STX7: variants seen among roughly 807,000 people sequenced by gnomAD.
STX7 encodes syntaxin-7.
A neutral mutation model predicts 39.6 loss-of-function variants in STX7; 34 were observed. The ratio of observed to expected loss-of-function variants is 0.86; its 90% CI spans 0.65 to 1.14. The LOEUF (loss-of-function observed/expected upper bound fraction) is 1.14. STX7 is among the 50% of genes most tolerant of loss of function. The pLI, the probability that STX7 is intolerant of heterozygous loss-of-function variation, is 0.00. For synonymous variants in STX7, 119 were observed against 99.1 expected, an observed-to-expected ratio of 1.20 and a Z score of -1.19; for missense variants, 284 against 310.4, an observed-to-expected ratio of 0.92 and a Z score of 0.64.
chr6:132,487,949 G>A (rs1026956783), intron 2 of STX7, among the ~76,000 whole-genome samples: 22 of 151,676 alleles, frequency 1.5e-4, no homozygotes, highest in Admixed American at 5.3e-4. Context: ...TTGCAATTTC[G>A]GTTGTTTTTT....
At chr6:132,509,037 T>C (rs75673534) in intron 1 of STX7, among the ~76,000 whole-genome samples, 2,807 of 152,296 alleles carry the variant, frequency 0.018, 73 homozygotes, top group African/African-American at 0.062. Context: ...GGCATATCAT[T>C]ATGCCTCATT....
At position 132,479,674 on chromosome 6, in the gene STX7, T is replaced by C. The variant is rs142083489; in HGVS notation, c.86-4012A>G. Among the ~76,000 whole-genome samples, 491 of 152,294 alleles carry C rather than the reference T, an allele frequency of 3.2e-3. 3 individuals are homozygous for C. Among genetic ancestry groups the C allele is most frequent in the Non-Finnish European group, 3.2e-3 (217 of 68,026 alleles). On this transcript the variant is annotated intron_variant, in intron 2 of 9. Coordinates refer to ENST00000367941, the MANE Select transcript of STX7 (RefSeq NM_003569.3). ...AAAGCCACATATAGACTCAACAATA[T>C]GGATTTCCTCTTACTCAGACTGACA...
chr6:132,460,990 GT>G, intron 9 of STX7, 140 bp from the exon 10 acceptor site: 2 of 633,558 alleles, frequency 3.2e-6, no homozygotes, highest in Non-Finnish European at 5.2e-6. Context: ...TTTTGACTGT[GT>G]TTTTTTGTTC....
chr6:132,499,458 C>T (rs1381051149), intron 2 of STX7, among the ~76,000 whole-genome samples: 1 of 150,114 alleles, frequency 6.7e-6, no homozygotes, highest in Non-Finnish European at 1.5e-5. Flanking sequence ...TTCTCCTTCC[C>T]TTCCTCCATC....
intron 2 of STX7, among the ~76,000 whole-genome samples, chr6:132,486,880 T>A (rs1775147340): frequency 6.6e-6 from 1 of 152,164 alleles, no homozygotes; most frequent in African/African-American, 2.4e-5. Flanking sequence ...TTGGCCAGGC[T>A]TGTCTTGAAC....
chr6:132,507,897 C>T (rs1163423868), intron 1 of STX7, among the ~76,000 whole-genome samples: 1 of 152,174 alleles, frequency 6.6e-6, no homozygotes, highest in Non-Finnish European at 1.5e-5. Flanking sequence ...CTGAATGAGT[C>T]GCACATCCAT....
At chr6:132,470,223 C>T (rs1345779689) in intron 6 of STX7, among the ~76,000 whole-genome samples, 176 bp from the exon 7 acceptor site, 2 of 152,032 alleles carry the variant, frequency 1.3e-5, no homozygotes, top group East Asian at 3.9e-4. Flanking sequence ...ATTCATTTTT[C>T]ATTTCACTTA....
Position 132,449,257 on chromosome 6 carries a change from G to A in STX7, c.*11501C>T, listed in dbSNP as rs1774090927. On this transcript the variant is annotated 3_prime_UTR_variant, in exon 10 of 10. Transcript: ENST00000367941. ...CCCACTTGAGCCTCCCAAGTAGCTG[G>A]GACTACTGGTTCATGTCACCACATC... is the stretch of plus-strand genomic sequence containing the variant. 6.6e-6 allele frequency: 1 copy of A among 151,988 alleles called. No individual in the cohort carries two copies. Among genetic ancestry groups the A allele is most frequent in the Non-Finnish European group, 1.5e-5 (1 of 68,036 alleles). The allele number at this position is 151,988 out of a possible 1,614,324, so 9.4% of individuals were successfully genotyped here. A position where few individuals can be genotyped will look rare whatever the true frequency, so the allele number is the denominator to read the frequency against.
At chr6:132,475,374 A>G (rs898497758) in intron 3 of STX7, 23 of 311,826 alleles carry the variant, frequency 7.4e-5, no homozygotes, top group Non-Finnish European at 2.3e-5. Flanking sequence ...TGCCCACCTC[A>G]GTCTTCCAGA....
rs1775898802 is a variant in STX7, at chr6:132,513,106, A to T, written c.-158T>A. Reference sequence around the variant, plus strand: ...TCAGCTGATGGGCGGTGGCGTGGGGACGCCCAGTGCGCATGCCCGCAGCAC... The same window carrying T: ...TCAGCTGATGGGCGGTGGCGTGGGGTCGCCCAGTGCGCATGCCCGCAGCAC... On this transcript the variant is annotated 5_prime_UTR_variant, in exon 1 of 10. Coordinates refer to ENST00000367941, the MANE Select transcript of STX7 (RefSeq NM_003569.3). 6.6e-6 allele frequency: 1 copy of T among 152,316 alleles called. No individual in the cohort carries two copies. The highest frequency in any genetic ancestry group is 1.5e-5 in the Non-Finnish European group (1 of 68,140). 9.4% of individuals were successfully genotyped at this position (152,316 alleles called of 1,614,324 possible).
intron 2 of STX7, among the ~76,000 whole-genome samples, chr6:132,487,683 A>G (rs1775172903): frequency 1.3e-5 from 2 of 152,222 alleles, no homozygotes; most frequent in South Asian, 4.1e-4. Context: ...AAACCTTTAA[A>G]TATATGATAG....
rs1020773118 is a variant in STX7 at position 132,456,157 on chromosome 6, A to C, written c.*4601T>G. ...AAGAGAACGGCTCCTTTTTGGAGCC[A>C]TTACACACAGATCATCACTCAAATC... On this transcript the variant is annotated 3_prime_UTR_variant, in exon 10 of 10. Coordinates refer to ENST00000367941, the MANE Select transcript of STX7 (RefSeq NM_003569.3). The C allele has an allele frequency of 6.6e-6, 1 of 152,172 alleles. No homozygotes were observed. Among genetic ancestry groups the C allele is most frequent in the Non-Finnish European group, 1.5e-5 (1 of 68,028 alleles). 9.4% of individuals were successfully genotyped at this position (152,172 alleles called of 1,614,324 possible). A position where few individuals can be genotyped will look rare whatever the true frequency, so the allele number is the denominator to read the frequency against.
At chr6:132,492,988 A>G (rs1019370114) in intron 2 of STX7, among the ~76,000 whole-genome samples, 4 of 152,152 alleles carry the variant, frequency 2.6e-5, no homozygotes, top group Non-Finnish European at 4.4e-5. Flanking sequence ...CCTTGGCTGG[A>G]TATCTGTTGA....
rs546565458 is a variant in STX7, at chr6:132,451,726, A to T, written c.*9032T>A. 8.5e-5 allele frequency: 13 copies of T among 152,344 alleles called. No homozygotes were observed. Among genetic ancestry groups the T allele is most frequent in the Admixed American group, 7.8e-4 (12 of 15,296 alleles). The allele number at this position is 152,344 out of a possible 1,614,324, so 9.4% of individuals were successfully genotyped here. A position where few individuals can be genotyped will look rare whatever the true frequency, so the allele number is the denominator to read the frequency against. On this transcript the variant is annotated 3_prime_UTR_variant, in exon 10 of 10. Coordinates refer to ENST00000367941, the MANE Select transcript of STX7 (RefSeq NM_003569.3). ...TAAAAATACAAACTGTCACAACTCA[A>T]TATGAAATAGATAAATTAAACAGCC... is the stretch of plus-strand genomic sequence containing the variant.
intron 3 of STX7, among the ~76,000 whole-genome samples, chr6:132,474,918 G>A (rs1469403229): frequency 1.3e-5 from 2 of 152,010 alleles, no homozygotes; most frequent in Non-Finnish European, 2.9e-5. Flanking sequence ...AAACTTGTGG[G>A]GAGACAGCTC....
chr6:132,469,026 A>G (rs1038667867), intron 7 of STX7, among the ~76,000 whole-genome samples: 3 of 152,218 alleles, frequency 2.0e-5, no homozygotes, highest in Admixed American at 6.5e-5. Context: ...CTTTTCTTCA[A>G]TGACACAATT....
intron 2 of STX7, among the ~76,000 whole-genome samples, chr6:132,491,988 T>C (rs1253404945): frequency 1.3e-5 from 2 of 152,158 alleles, no homozygotes; most frequent in Non-Finnish European, 2.9e-5. Flanking sequence ...AAATCTAAAA[T>C]TCTGGTTGAG....
chr6:132,485,979 C>T (rs373601591), intron 2 of STX7, among the ~76,000 whole-genome samples: 1 of 152,086 alleles, frequency 6.6e-6, no homozygotes, highest in Non-Finnish European at 1.5e-5. Context: ...ATTGTAAATG[C>T]CAGCTTTTTA....
At chr6:132,496,669 A>C (rs181017542) in intron 2 of STX7, among the ~76,000 whole-genome samples, 124 of 152,314 alleles carry the variant, frequency 8.1e-4, no homozygotes, top group African/African-American at 2.9e-3. Flanking sequence ...TTGCCTGTTA[A>C]AGTTTGAAGA....
Sources: gnomAD v4.1 joint callset for allele counts (sites outside exome capture counted in the v4.1 genomes callset) on GRCh38, gnomAD v4.1.1 for gene constraint, MANE v1.5 for transcripts, NCBI Gene and HGNC (gene_info 2026-07-23, HGNC 2026-07-21) for gene names.